The following PLCB1 variants were observed in gnomAD, a reference collection of about 807,000 sequenced individuals.
The protein encoded by PLCB1 is phospholipase C beta 1.
In PLCB1, 46 loss-of-function variants were observed where a neutral mutation model predicts 161.8. That is an observed-to-expected ratio of 0.28 (90% confidence interval 0.22 to 0.36). PLCB1 has a LOEUF of 0.36. Ranked by LOEUF, PLCB1 falls within the 10% of genes least tolerant of loss-of-function variation. The pLI, the probability that PLCB1 is intolerant of heterozygous loss-of-function variation, is 1.00. For missense variants in PLCB1, 1,016 were observed against 1,472.5 expected, an observed-to-expected ratio of 0.69 and a Z score of 5.07; for synonymous variants, 517 against 503.7, an observed-to-expected ratio of 1.03 and a Z score of -0.35.
At chr20:8,219,266 G>C (rs1454829242) in intron 2 of PLCB1, among the ~76,000 whole-genome samples, 1 of 152,160 alleles carries the variant, frequency 6.6e-6, no homozygotes, top group Admixed American at 6.6e-5. Flanking sequence ...ATTTAAATGA[G>C]AGTATTATAT....
At chr20:8,276,726 C>T (rs996389030) in intron 2 of PLCB1, among the ~76,000 whole-genome samples, 2 of 152,126 alleles carry the variant, frequency 1.3e-5, no homozygotes, top group South Asian at 2.1e-4. Flanking sequence ...TGGAGATAGG[C>T]CTCGAGTGCA....
intron 3 of PLCB1, among the ~76,000 whole-genome samples, chr20:8,438,411 G>GT (rs752374945): frequency 6.6e-6 from 1 of 152,154 alleles, no homozygotes; most frequent in African/African-American, 2.4e-5. Flanking sequence ...TAAAACACTG[G>GT]TAGGTTATCT....
chr20:8,819,969 ATATATAT>A lies in PLCB1; in HGVS notation c.3423+29716_3423+29722del, dbSNP rs1182966730. On this transcript the variant is annotated intron_variant, in intron 31 of 31. Coordinates refer to ENST00000338037, the MANE Select transcript of PLCB1 (RefSeq NM_015192.4). The stretch of plus-strand genomic sequence containing the variant: ...TGTGGTTTATTTATATGTATTATAA[ATATATAT>A]TATATATAGTAAAACCTATTCATCC... Among the ~76,000 whole-genome samples the A allele has an allele frequency of 6.7e-5, 10 of 149,926 alleles. No individual in the cohort carries two copies. In the East Asian group the frequency reaches 1.7e-3, roughly 26 times the overall value.
chr20:8,201,470 A>G (rs2052090702), intron 2 of PLCB1, among the ~76,000 whole-genome samples: 1 of 152,154 alleles, frequency 6.6e-6, no homozygotes, highest in Non-Finnish European at 1.5e-5. Flanking sequence ...ATTCTTCATG[A>G]TGACAGCTGG....
At chr20:8,630,010 C>CTTTCTTTCTT (rs760712723) in intron 4 of PLCB1, among the ~76,000 whole-genome samples, 731 of 60,608 alleles carry the variant, frequency 0.012, 3 homozygotes, top group Middle Eastern at 0.02. Flanking sequence ...TTCTTTCTTT[C>CTTTCTTTCTT]TCTTTCTTCT....
chr20:8,803,482 G>A (rs998274963), intron 31 of PLCB1, among the ~76,000 whole-genome samples: 3 of 149,796 alleles, frequency 2.0e-5, no homozygotes, highest in Non-Finnish European at 4.4e-5. Flanking sequence ...AGGGACACAG[G>A]GAATGCCATG....
intron 3 of PLCB1, among the ~76,000 whole-genome samples, chr20:8,398,138 A>G (rs1440634230): frequency 6.6e-6 from 1 of 151,710 alleles, no homozygotes; most frequent in Non-Finnish European, 1.5e-5. Context: ...AAATGTGATC[A>G]ATACATTTTA....
intron 4 of PLCB1, among the ~76,000 whole-genome samples, chr20:8,645,374 G>A (rs1218114724): frequency 6.6e-6 from 1 of 152,186 alleles, no homozygotes; most frequent in Non-Finnish European, 1.5e-5. Flanking sequence ...AACAATATCA[G>A]ATGATGACCT....
intron 3 of PLCB1, among the ~76,000 whole-genome samples, chr20:8,622,269 A>G (rs1988207654): frequency 6.6e-6 from 1 of 152,150 alleles, no homozygotes; most frequent in Non-Finnish European, 1.5e-5. Context: ...AAAAAAAAAA[A>G]AGAATCTTAG....
intron 4 of PLCB1, among the ~76,000 whole-genome samples, chr20:8,644,874 G>T (rs1029324703): frequency 6.6e-6 from 1 of 152,182 alleles, no homozygotes; most frequent in African/African-American, 2.4e-5. Flanking sequence ...TGGCGGTTTT[G>T]TGGAATAGAA....
At chr20:8,509,329 G>A (rs533916433) in intron 3 of PLCB1, among the ~76,000 whole-genome samples, 126 of 152,258 alleles carry the variant, frequency 8.3e-4, no homozygotes, top group Admixed American at 2.2e-3. Flanking sequence ...GAGCGCATCC[G>A]AGCATCAATT....
intron 3 of PLCB1, among the ~76,000 whole-genome samples, chr20:8,403,917 C>T (rs962801404): frequency 6.6e-6 from 1 of 152,146 alleles, no homozygotes; most frequent in African/African-American, 2.4e-5. Context: ...ATATTGGAAA[C>T]TAGGACCATT....
At chr20:8,251,327 C>A (rs1213599143) in intron 2 of PLCB1, among the ~76,000 whole-genome samples, 1 of 151,878 alleles carries the variant, frequency 6.6e-6, no homozygotes, top group African/African-American at 2.4e-5. Flanking sequence ...GATGGTTAGG[C>A]CAAGAACGGT....
intron 27 of PLCB1, among the ~76,000 whole-genome samples, chr20:8,786,524 C>G (rs541326172): frequency 1.1e-4 from 16 of 152,232 alleles, no homozygotes; most frequent in African/African-American, 3.4e-4. Flanking sequence ...AGCCATGGAA[C>G]CTTATTTGTC....
chr20:8,498,304 C>CCAA (rs1983263567), intron 3 of PLCB1, among the ~76,000 whole-genome samples: 1 of 151,702 alleles, frequency 6.6e-6, no homozygotes, highest in Admixed American at 6.6e-5. Flanking sequence ...ACCATGTTGG[C>CCAA]CAAGATGGTC....
chr20:8,676,432 AAGAG>A lies in PLCB1; in HGVS notation c.863-8496_863-8493del, dbSNP rs374046422. Among the ~76,000 whole-genome samples, 178 of 148,136 alleles carry A rather than the reference AAGAG, an allele frequency of 1.2e-3. 1 individual carries two copies. The highest frequency in any genetic ancestry group is 2.6e-3 in the Admixed American group (39 of 14,834). On this transcript the variant is annotated intron_variant, in intron 9 of 31. Transcript: ENST00000338037. Reference sequence around the variant, plus strand: ...AAGAAAGAGAAGAAAGAAAGAAAGAAAGAGAGAAAGAGTACCATTTTGAAAGCAA... The same window carrying A: ...AAGAAAGAGAAGAAAGAAAGAAAGAAAGAAAGAGTACCATTTTGAAAGCAA...
chr20:8,325,100 T>A (rs1985096227), intron 2 of PLCB1, among the ~76,000 whole-genome samples: 1 of 152,170 alleles, frequency 6.6e-6, no homozygotes, highest in Non-Finnish European at 1.5e-5. Context: ...GTAGGAATAA[T>A]GGGAGTTAAC....
intron 9 of PLCB1, among the ~76,000 whole-genome samples, chr20:8,664,766 C>T (rs1989767148): frequency 6.6e-6 from 1 of 152,136 alleles, no homozygotes. Flanking sequence ...TCATCATTTT[C>T]TCATACTGGC....
At chr20:8,479,492 T>C (rs1238375146) in intron 3 of PLCB1, among the ~76,000 whole-genome samples, 2 of 152,258 alleles carry the variant, frequency 1.3e-5, no homozygotes, top group Non-Finnish European at 2.9e-5. Context: ...AATGGTTGTA[T>C]GCTATATCTT....
Sources: allele counts gnomAD v4.1 joint callset (sites outside exome capture counted in the v4.1 genomes callset), GRCh38; gene constraint gnomAD v4.1.1; transcripts MANE v1.5; gene names NCBI Gene and HGNC (gene_info 2026-07-23, HGNC 2026-07-21).